The following NCK1 variants were observed in gnomAD, a reference collection of about 807,000 sequenced individuals.
NCK1 encodes NCK adaptor protein 1, also known as SH2/SH3 adapter protein NCK1.
NCK1 carries 19 observed loss-of-function variants against 36.6 expected under a neutral mutation model. The ratio of observed to expected loss-of-function variants is 0.52; its 90% CI spans 0.36 to 0.76. The LOEUF (loss-of-function observed/expected upper bound fraction) is 0.76, where lower values mean the gene tolerates loss of function less well. Ranked by LOEUF, NCK1 falls within the 30% of genes least tolerant of loss-of-function variation. NCK1 has a pLI of 0.00. For synonymous variants in NCK1, 165 were observed against 156.0 expected (o/e 1.06, Z -0.43); for missense variants, 358 against 445.6 (o/e 0.80, Z 1.77).
At chr3:136,911,811 T>G (rs951817502) in intron 1 of NCK1, among the ~76,000 whole-genome samples, 1 of 152,192 alleles carries the variant, frequency 6.6e-6, no homozygotes, top group Non-Finnish European at 1.5e-5. Context: ...AAAGTCATAA[T>G]TTTTCCCTCA....
At chr3:136,919,936 C>G (rs1940062040) in intron 1 of NCK1, among the ~76,000 whole-genome samples, 1 of 152,112 alleles carries the variant, frequency 6.6e-6, no homozygotes. Context: ...TAAGAATCAG[C>G]TAAGTAACAA....
At chr3:136,888,318 A>G (rs1279999235) in intron 1 of NCK1, among the ~76,000 whole-genome samples, 1 of 152,122 alleles carries the variant, frequency 6.6e-6, no homozygotes, top group Non-Finnish European at 1.5e-5. Flanking sequence ...TTGAGATATG[A>G]TTCACATACT....
rs3772386 is a variant in NCK1 at position 136,928,667 on chromosome 3, A to G, written c.226+440A>G. On this transcript the variant is annotated intron_variant, in intron 2 of 3. Transcript: ENST00000481752. ...TTTCTATTTGATAAGAGAACTGTGG[A>G]TCATTACTGTACATTAGCACCTACA... The G allele has an allele frequency of 1.8e-4, 29 of 163,168 alleles. No homozygotes were observed. The East Asian group carries it at 4.4e-3, about 25-fold the overall frequency. The allele number at this position is 163,168 out of a possible 1,614,324, so 10.1% of individuals were successfully genotyped here.
At chr3:136,936,441 A>G (rs566232724) in intron 2 of NCK1, among the ~76,000 whole-genome samples, 1 of 152,338 alleles carries the variant, frequency 6.6e-6, no homozygotes, top group East Asian at 1.9e-4. Flanking sequence ...TATTGTGAAC[A>G]GCGTTGTGAT....
At chr3:136,872,450 G>GT (rs1295310905) in intron 1 of NCK1, among the ~76,000 whole-genome samples, 1 of 152,214 alleles carries the variant, frequency 6.6e-6, no homozygotes, top group Non-Finnish European at 1.5e-5. Context: ...AAGGCATTCA[G>GT]TTTTACAAGG....
intron 1 of NCK1, among the ~76,000 whole-genome samples, chr3:136,898,417 G>A (rs1335039525): frequency 2.0e-5 from 3 of 150,212 alleles, no homozygotes; most frequent in Admixed American, 6.6e-5. Context: ...TGGATGCAGT[G>A]GTATCAAGAA....
intron 1 of NCK1, among the ~76,000 whole-genome samples, chr3:136,870,643 A>T (rs1938587287): frequency 6.6e-6 from 1 of 151,226 alleles, no homozygotes; most frequent in Non-Finnish European, 1.5e-5. Flanking sequence ...GCCCAAGGAA[A>T]TCAGTTACTT....
chr3:136,865,755 A>G (rs896016938), intron 1 of NCK1, among the ~76,000 whole-genome samples: 2 of 152,252 alleles, frequency 1.3e-5, no homozygotes, highest in Non-Finnish European at 1.5e-5. Flanking sequence ...AAGGCTAAAT[A>G]TGACATTTAA....
At chr3:136,924,643 G>C (rs1940193660) in intron 1 of NCK1, among the ~76,000 whole-genome samples, 1 of 152,186 alleles carries the variant, frequency 6.6e-6, no homozygotes, top group African/African-American at 2.4e-5. Flanking sequence ...TTTAATTTTA[G>C]TATAATTGAC....
intron 1 of NCK1, among the ~76,000 whole-genome samples, chr3:136,864,416 G>A (rs568850171): frequency 3.7e-4 from 57 of 152,116 alleles, no homozygotes; most frequent in African/African-American, 1.3e-3. Flanking sequence ...GCATGAACCC[G>A]GGAGTCGGAG....
At chr3:136,915,730 G>GTT (rs748296383) in intron 1 of NCK1, among the ~76,000 whole-genome samples, 6 of 142,370 alleles carry the variant, frequency 4.2e-5, no homozygotes, top group Admixed American at 7.0e-5. Flanking sequence ...TTTTGCTTTT[G>GTT]TTTTTTTTTT....
chr3:136,914,939 G>T (rs1293534368), intron 1 of NCK1, among the ~76,000 whole-genome samples: 2 of 152,106 alleles, frequency 1.3e-5, no homozygotes, highest in Non-Finnish European at 2.9e-5. Flanking sequence ...GTTAAAAAGA[G>T]CCTGACACCT....
In NCK1 at chr3:136,948,368, A is replaced by G; in HGVS notation, c.1049A>G (p.Glu350Gly). 6.2e-7 allele frequency: 1 copy of G among 1,613,320 alleles called. No homozygotes were observed. Among genetic ancestry groups the G allele is most frequent in the African/African-American group, 1.3e-5 (1 of 74,988 alleles). Residue 350 changes from glutamate to glycine, a missense_variant, in exon 4 of 4, where the codon GAA (glutamate) becomes GGA (glycine). Physicochemically the swap from Glu to Gly is moderately conservative, Grantham distance 98. Transcript: ENST00000481752. ...CIGQRKFSTMEELVEHYKKAP... is the reference protein window; with the variant it reads ...CIGQRKFSTMGELVEHYKKAP... ...GGGCAGCGTAAATTCAGCACCATGG[A>G]AGAACTTGTAGAACATTACAAAAAG...
At chr3:136,917,677 T>C (rs532250296) in intron 1 of NCK1, among the ~76,000 whole-genome samples, 1 of 152,332 alleles carries the variant, frequency 6.6e-6, no homozygotes, top group South Asian at 2.1e-4. Flanking sequence ...AGGGTCAAGT[T>C]ACCTAGGTCA....
chr3:136,892,320 G>T (rs1431235323), intron 1 of NCK1, among the ~76,000 whole-genome samples: 1 of 152,114 alleles, frequency 6.6e-6, no homozygotes, highest in Admixed American at 6.5e-5. Flanking sequence ...TATTAATTTA[G>T]TGTCCTTTCA....
chr3:136,903,604 C>G (rs1939604221), intron 1 of NCK1, among the ~76,000 whole-genome samples: 1 of 151,974 alleles, frequency 6.6e-6, no homozygotes, highest in Admixed American at 6.6e-5. Flanking sequence ...TTTGTATTTT[C>G]AGTGGAGATG....
chr3:136,908,574 A>T (rs535906126), intron 1 of NCK1, among the ~76,000 whole-genome samples: 2 of 152,316 alleles, frequency 1.3e-5, no homozygotes, highest in South Asian at 4.1e-4. Flanking sequence ...ATCTGTGGAT[A>T]CTGAGTAAAA....
At chr3:136,900,993 T>A (rs549384667) in intron 1 of NCK1, among the ~76,000 whole-genome samples, 18 of 152,306 alleles carry the variant, frequency 1.2e-4, no homozygotes, top group Admixed American at 9.8e-4. Context: ...TTGTTCCAGT[T>A]CTTAGAAGAA....
At position 136,894,628 on chromosome 3, in the gene NCK1, AC is replaced by A. The variant is rs1454984366; in HGVS notation, c.-19+32277del. Among the ~76,000 whole-genome samples, 3 of 152,218 alleles carry A rather than the reference AC, an allele frequency of 2.0e-5. No individual in the cohort carries two copies. The East Asian group carries it at 5.8e-4, about 29-fold the overall frequency. ...AGATTGGCAAAGCAAACATTTTGAA[AC>A]CATTGAGGTACTGTAAATGTCCAGA... On this transcript the variant is annotated intron_variant, in intron 1 of 3. Transcript: ENST00000481752.
Sources: gnomAD v4.1 joint callset for allele counts (sites outside exome capture counted in the v4.1 genomes callset) on GRCh38, gnomAD v4.1.1 for gene constraint, MANE v1.5 for transcripts, NCBI Gene and HGNC (gene_info 2026-07-23, HGNC 2026-07-21) for gene names.